PRKCI: variants seen among roughly 807,000 people sequenced by gnomAD.
The protein encoded by PRKCI is protein kinase C iota type.
PRKCI carries 43 observed loss-of-function variants against 84.0 expected under a neutral mutation model. The ratio of observed to expected loss-of-function variants is 0.51; its 90% CI spans 0.40 to 0.66. The LOEUF (loss-of-function observed/expected upper bound fraction) is 0.66. PRKCI is among the 30% of genes least tolerant of loss of function. The pLI is 0.00. For synonymous variants in PRKCI, 216 were observed against 234.4 expected (o/e 0.92, Z 0.72); for missense variants, 459 against 745.6 (o/e 0.62, Z 4.48).
chr3:170,256,812 TA>T (rs1487670807), intron 2 of PRKCI, among the ~76,000 whole-genome samples: 5 of 152,204 alleles, frequency 3.3e-5, no homozygotes, highest in African/African-American at 1.2e-4. Context: ...TTGCTTGCTA[TA>T]AACTCACCTC....
intron 5 of PRKCI, 141 bp downstream of exon 5, chr3:170,268,141 C>A (rs1391820462): frequency 2.0e-5 from 13 of 657,322 alleles, no homozygotes; most frequent in Non-Finnish European, 3.0e-5. Flanking sequence ...TCCAGTTTGC[C>A]TGAGGCAGTA....
intron 3 of PRKCI, among the ~76,000 whole-genome samples, chr3:170,260,810 T>C (rs942595959): frequency 1.3e-5 from 2 of 152,154 alleles, no homozygotes; most frequent in African/African-American, 4.8e-5. Flanking sequence ...CCTTGAGATG[T>C]AGGAAGTGGC....
intron 12 of PRKCI, among the ~76,000 whole-genome samples, chr3:170,289,363 T>C (rs1487424295): frequency 6.6e-6 from 1 of 152,170 alleles, no homozygotes; most frequent in Non-Finnish European, 1.5e-5. Flanking sequence ...ATAGCAGTGT[T>C]ATATATAACA....
intron 8 of PRKCI, among the ~76,000 whole-genome samples, chr3:170,277,086 C>CAAAA (rs36053479): frequency 1.6e-5 from 2 of 128,342 alleles, no homozygotes; most frequent in African/African-American, 2.9e-5. Flanking sequence ...ACTAAAAATA[C>CAAAA]AAAAAAAAAA....
intron 2 of PRKCI, chr3:170,244,770 A>G (rs1733231303): frequency 6.6e-6 from 1 of 152,304 alleles, no homozygotes; most frequent in Admixed American, 6.5e-5. Context: ...ATCCTGGCAA[A>G]ACAGGTTATA....
At chr3:170,260,698 C>T (rs964795397) in intron 3 of PRKCI, among the ~76,000 whole-genome samples, 2 of 152,122 alleles carry the variant, frequency 1.3e-5, no homozygotes, top group Admixed American at 1.3e-4. Context: ...AGAGATCCGC[C>T]TGCCTTGGTC....
At chr3:170,274,425 C>T (rs1394586347) in intron 7 of PRKCI, among the ~76,000 whole-genome samples, 1 of 152,196 alleles carries the variant, frequency 6.6e-6, no homozygotes, top group African/African-American at 2.4e-5. Context: ...TGAGCCATGG[C>T]ACCCAGCTGA....
At chr3:170,232,964 A>G (rs1412920924) in intron 1 of PRKCI, among the ~76,000 whole-genome samples, 1 of 151,996 alleles carries the variant, frequency 6.6e-6, no homozygotes, top group Non-Finnish European at 1.5e-5. Context: ...TTTTGAATTC[A>G]CTATCTTCTT....
intron 1 of PRKCI, among the ~76,000 whole-genome samples, chr3:170,228,656 CATAT>C (rs1022600149): frequency 2.0e-5 from 3 of 151,764 alleles, no homozygotes; most frequent in Admixed American, 6.6e-5. Context: ...CATACACACA[CATAT>C]AAAGTTCCCC....
intron 14 of PRKCI, among the ~76,000 whole-genome samples, chr3:170,295,706 CGT>C (rs1272482777): frequency 6.6e-6 from 1 of 150,412 alleles, no homozygotes; most frequent in East Asian, 2.0e-4. Context: ...TTTAGCCGAG[CGT>C]GATGGTGGCG....
intron 2 of PRKCI, among the ~76,000 whole-genome samples, chr3:170,249,565 G>T (rs1204565520): frequency 6.6e-6 from 1 of 152,084 alleles, no homozygotes; most frequent in Non-Finnish European, 1.5e-5. Context: ...AAGGTGAGAC[G>T]ATTGCTTGAG....
Position 170,299,110 on chromosome 3 carries a change from A to T in PRKCI, c.1703A>T (p.Asp568Val). Residue 568 changes from aspartate to valine, a missense_variant and splice_region_variant, in exon 17 of 18, where the codon GAT becomes GTT. Physicochemically the swap from Asp to Val is radical, Grantham distance 152. This residue lies in a region of PRKCI where 209 missense variants were observed against 425.9 expected (regional missense o/e 0.49). Coordinates refer to ENST00000295797, the MANE Select transcript of PRKCI (RefSeq NM_002740.6). ...NEPVQLTPDDDDIVRKIDQSE... is the reference protein window; with the variant it reads ...NEPVQLTPDDVDIVRKIDQSE... ...CCTGTCCAGCTCACTCCAGATGACGAGTAAGTAATTCTGTACACTGAAATT... is the reference window on the plus strand; with the variant it reads ...CCTGTCCAGCTCACTCCAGATGACGTGTAAGTAATTCTGTACACTGAAATT... The T allele has an allele frequency of 6.4e-7, 1 of 1,573,928 alleles. No individual in the cohort carries two copies. The highest frequency in any genetic ancestry group is 2.3e-5 in the East Asian group (1 of 43,912).
At chr3:170,255,983 G>A (rs1322950434) in intron 2 of PRKCI, among the ~76,000 whole-genome samples, 1 of 152,072 alleles carries the variant, frequency 6.6e-6, no homozygotes, top group South Asian at 2.1e-4. Context: ...ATATCACGTT[G>A]ATTGATTTGC....
intron 2 of PRKCI, among the ~76,000 whole-genome samples, chr3:170,255,351 C>T (rs567016407): frequency 3.2e-4 from 49 of 152,018 alleles, no homozygotes; most frequent in African/African-American, 7.2e-4. Context: ...TGAGCCACCG[C>T]GCCTGGCTGA....
intron 11 of PRKCI, among the ~76,000 whole-genome samples, chr3:170,283,227 G>A (rs1419009875): frequency 6.6e-6 from 1 of 152,170 alleles, no homozygotes; most frequent in Admixed American, 6.5e-5. Flanking sequence ...ATGGCCTTGA[G>A]TAAAAAGTTT....
intron 12 of PRKCI, among the ~76,000 whole-genome samples, chr3:170,288,239 A>G (rs1441801199): frequency 6.6e-6 from 1 of 150,554 alleles, no homozygotes. Flanking sequence ...GAGTGAGACT[A>G]CGTCTCAAAA....
At chr3:170,247,693 G>A (rs1330672287) in intron 2 of PRKCI, among the ~76,000 whole-genome samples, 1 of 126,074 alleles carries the variant, frequency 7.9e-6, no homozygotes, top group African/African-American at 3.1e-5. Context: ...TCGTGCCATT[G>A]CACTCCAGCC....
At chr3:170,291,797 T>G in intron 12 of PRKCI, 57 bp from the exon 13 acceptor site, 1 of 1,364,380 alleles carries the variant, frequency 7.3e-7, no homozygotes, top group Non-Finnish European at 1.0e-6. Flanking sequence ...ATAGAAAGGG[T>G]GAATTTAAAA....
In PRKCI at chr3:170,235,365, A is replaced by G. The variant is rs1290493373; in HGVS notation, c.223+14A>G. 6.2e-7 allele frequency: 1 copy of G among 1,613,430 alleles called. No homozygotes were observed. The highest frequency in any genetic ancestry group is 2.2e-5 in the East Asian group (1 of 44,846). ...TAGATGAGGAAGGTGAGTGGTAAAG[A>G]CAGGGCTGCCTGTGTAAGCATTTTA... On this transcript the variant is annotated intron_variant, in intron 2 of 17. Coordinates refer to ENST00000295797, the MANE Select transcript of PRKCI (RefSeq NM_002740.6).
Sources: allele counts gnomAD v4.1 joint callset (sites outside exome capture counted in the v4.1 genomes callset), GRCh38; gene constraint gnomAD v4.1.1; regional missense constraint gnomAD v4.1.1; transcripts MANE v1.5; gene names NCBI Gene and HGNC (gene_info 2026-07-23, HGNC 2026-07-21).